The following FHIT variants were observed in gnomAD, a reference collection of about 807,000 sequenced individuals.
FHIT encodes bis(5'-adenosyl)-triphosphatase.
A neutral mutation model predicts 17.9 loss-of-function variants in FHIT; 19 were observed. The observed-to-expected ratio is 1.06, with a 90% confidence interval of 0.74 to 1.56. FHIT has a LOEUF of 1.56. Among genes scored for constraint, FHIT ranks in the 40% most tolerant of loss-of-function variants. FHIT has a pLI of 0.00. For synonymous variants in FHIT, 81 were observed against 69.7 expected (o/e 1.16, Z -0.81); for missense variants, 248 against 189.2 (o/e 1.31, Z -1.82).
At chr3:60,636,913 G>C (rs1484326048) in intron 4 of FHIT, among the ~76,000 whole-genome samples, 3 of 152,264 alleles carry the variant, frequency 2.0e-5, no homozygotes, top group Non-Finnish European at 2.9e-5. Flanking sequence ...GGGTTCTATA[G>C]AAACCCTTGC....
intron 5 of FHIT, among the ~76,000 whole-genome samples, chr3:60,328,399 T>C (rs1709804485): frequency 6.6e-6 from 1 of 152,216 alleles, no homozygotes; most frequent in South Asian, 2.1e-4. Flanking sequence ...GGAGAGGCCT[T>C]ACAATCATGG....
At chr3:60,537,813 G>A (rs1299102079) in intron 4 of FHIT, among the ~76,000 whole-genome samples, 1 of 152,170 alleles carries the variant, frequency 6.6e-6, no homozygotes, top group African/African-American at 2.4e-5. Flanking sequence ...GACACACTTT[G>A]TGAATGACTA....
At chr3:59,751,482 G>A (rs1700896559) in intron 9 of FHIT, 1 of 209,268 alleles carries the variant, frequency 4.8e-6, no homozygotes, top group Non-Finnish European at 9.7e-6. Flanking sequence ...ACTGAGACTA[G>A]GAGGGATAAT....
intron 3 of FHIT, among the ~76,000 whole-genome samples, chr3:60,936,382 G>A (rs782555757): frequency 6.6e-6 from 1 of 152,120 alleles, no homozygotes; most frequent in Non-Finnish European, 1.5e-5. Context: ...GTCATATTTT[G>A]GCTAACATTT....
At chr3:60,328,918 G>C (rs1709829991) in intron 5 of FHIT, among the ~76,000 whole-genome samples, 1 of 152,186 alleles carries the variant, frequency 6.6e-6, no homozygotes, top group Admixed American at 6.5e-5. Context: ...GTAACACACT[G>C]ATGGATAACC....
At chr3:60,114,325 C>A in intron 5 of FHIT, among the ~76,000 whole-genome samples, 1 of 150,800 alleles carries the variant, frequency 6.6e-6, no homozygotes. Context: ...CATGAGCACA[C>A]AGATACACAA....
chr3:60,855,789 G>A (rs1026379579), intron 3 of FHIT, among the ~76,000 whole-genome samples: 2 of 152,086 alleles, frequency 1.3e-5, no homozygotes, highest in African/African-American at 2.4e-5. Context: ...ACTTTCCACA[G>A]CCTAGAAGGA....
chr3:60,967,457 T>C (rs955481514), intron 3 of FHIT, among the ~76,000 whole-genome samples: 2 of 152,204 alleles, frequency 1.3e-5, no homozygotes, highest in Non-Finnish European at 2.9e-5. Context: ...ACTTGGATTT[T>C]GAAAGACTAG....
rs114629568 is a variant in FHIT at position 60,506,705 on chromosome 3, T to C, written c.103+30155A>G. Among the ~76,000 whole-genome samples, 699 of 152,178 alleles carry C rather than the reference T, an allele frequency of 4.6e-3. 8 individuals carry two copies. Among genetic ancestry groups the C allele is most frequent in the African/African-American group, 0.016 (665 of 41,534 alleles). On this transcript the variant is annotated intron_variant, in intron 5 of 9. Transcript: ENST00000492590. The stretch of plus-strand genomic sequence containing the variant: ...CCTTCTAACCTCCTGCCCTCTACCA[T>C]AGGAGCAAAATGTTCCAGATAGGGG...
At chr3:61,235,391 G>C (rs1036565850) in intron 1 of FHIT, among the ~76,000 whole-genome samples, 2 of 151,880 alleles carry the variant, frequency 1.3e-5, no homozygotes, top group African/African-American at 4.8e-5. Flanking sequence ...TCTACATAAA[G>C]ATCTTAGTTC....
intron 5 of FHIT, among the ~76,000 whole-genome samples, chr3:60,090,886 G>A (rs994153005): frequency 7.9e-5 from 12 of 152,182 alleles, no homozygotes; most frequent in African/African-American, 2.9e-4. Context: ...GGTCCGCAAG[G>A]TGGAAGTGAA....
intron 3 of FHIT, among the ~76,000 whole-genome samples, chr3:61,040,760 C>T (rs544034768): frequency 6.6e-6 from 1 of 152,292 alleles, no homozygotes; most frequent in Admixed American, 6.5e-5. Flanking sequence ...GACATCCCAT[C>T]CCTATTCAGT....
chr3:60,072,446 G>A (rs79423828), intron 5 of FHIT, among the ~76,000 whole-genome samples: 8,467 of 129,148 alleles, frequency 0.066, 290 homozygotes, highest in South Asian at 0.13. Flanking sequence ...ACAAAACATC[G>A]TCAACAACAA....
At chr3:60,111,819 C>T (rs1409454657) in intron 5 of FHIT, among the ~76,000 whole-genome samples, 1 of 152,200 alleles carries the variant, frequency 6.6e-6, no homozygotes, top group African/African-American at 2.4e-5. Context: ...AAGGTTTAGA[C>T]TTGCACAGCC....
intron 5 of FHIT, among the ~76,000 whole-genome samples, chr3:60,058,419 G>T (rs543711708): frequency 6.6e-6 from 1 of 152,116 alleles, no homozygotes; most frequent in Admixed American, 6.5e-5. Context: ...GTGAGCCACC[G>T]TGCTGACCGT....
intron 1 of FHIT, among the ~76,000 whole-genome samples, chr3:61,204,397 G>C (rs1160375948): frequency 5.9e-5 from 9 of 152,010 alleles, no homozygotes; most frequent in Admixed American, 4.6e-4. Context: ...TTTGCATGTA[G>C]GCTCTATTTC....
intron 5 of FHIT, among the ~76,000 whole-genome samples, chr3:60,205,534 T>C (rs1199848335): frequency 6.6e-6 from 1 of 152,098 alleles, no homozygotes; most frequent in African/African-American, 2.4e-5. Context: ...AAGCAGTATT[T>C]GAGCAAAGGA....
chr3:60,149,599 G>A (rs1173713642), intron 5 of FHIT, among the ~76,000 whole-genome samples: 1 of 152,026 alleles, frequency 6.6e-6, no homozygotes, highest in African/African-American at 2.4e-5. Context: ...CCATCAAAGG[G>A]CAATGAACAT....
chr3:60,190,892 G>A (rs1702374552), intron 5 of FHIT, among the ~76,000 whole-genome samples: 1 of 151,954 alleles, frequency 6.6e-6, no homozygotes, highest in Non-Finnish European at 1.5e-5. Flanking sequence ...GCAGTGAGCC[G>A]AGATTGCACC....
Sources: allele counts gnomAD v4.1 joint callset (sites outside exome capture counted in the v4.1 genomes callset), GRCh38; gene constraint gnomAD v4.1.1; transcripts MANE v1.5; gene names NCBI Gene and HGNC (gene_info 2026-07-23, HGNC 2026-07-21).